GUCY1A2: variants seen among roughly 807,000 people sequenced by gnomAD.
GUCY1A2 encodes guanylate cyclase soluble subunit alpha-2.
A neutral mutation model predicts 63.5 loss-of-function variants in GUCY1A2; 27 were observed. The ratio of observed to expected loss-of-function variants is 0.43; its 90% CI spans 0.31 to 0.59. GUCY1A2 has a LOEUF of 0.59. GUCY1A2 is among the 20% of genes least tolerant of loss of function. The pLI is 0.11. For synonymous variants in GUCY1A2, 364 were observed against 343.5 expected, an observed-to-expected ratio of 1.06 and a Z score of -0.66; for missense variants, 768 against 913.3, an observed-to-expected ratio of 0.84 and a Z score of 2.05.
chr11:106,746,659 C>T (rs779104702), intron 6 of GUCY1A2: 18 of 1,456,742 alleles, frequency 1.2e-5, no homozygotes, highest in Middle Eastern at 1.7e-4. Context: ...AAAGTCACAC[C>T]GAGACACCAA....
chr11:106,876,179 C>G (rs1859746235), intron 4 of GUCY1A2, among the ~76,000 whole-genome samples: 1 of 151,952 alleles, frequency 6.6e-6, no homozygotes, highest in East Asian at 1.9e-4. Flanking sequence ...TTTACCATTC[C>G]TAACATAAAG....
rs1591340413 is a variant in GUCY1A2 at position 106,951,592 on chromosome 11, GTT to G, written c.488-11416_488-11415del. Among the ~76,000 whole-genome samples, 4 of 152,006 alleles carry G rather than the reference GTT, an allele frequency of 2.6e-5. No individual in the cohort carries two copies. In the East Asian group the frequency reaches 7.7e-4, roughly 29 times the overall value. On this transcript the variant is annotated intron_variant, in intron 3 of 7. Transcript: ENST00000526355. ...GCCCACTTTATGATGGGGTTGTTTG[GTT>G]TTGTTTTTGGAAATATGGTTAAGTT...
At chr11:106,859,566 C>T (rs1859481026) in intron 4 of GUCY1A2, among the ~76,000 whole-genome samples, 1 of 151,858 alleles carries the variant, frequency 6.6e-6, no homozygotes, top group Non-Finnish European at 1.5e-5. Flanking sequence ...CAGACAGATT[C>T]CTGTTCTCAA....
At chr11:106,875,876 C>T (rs1306972045) in intron 4 of GUCY1A2, among the ~76,000 whole-genome samples, 1 of 151,840 alleles carries the variant, frequency 6.6e-6, no homozygotes, top group Non-Finnish European at 1.5e-5. Context: ...CATTCTGGTG[C>T]CAGAGGAAAT....
At chr11:106,772,973 C>T (rs1203481052) in intron 6 of GUCY1A2, among the ~76,000 whole-genome samples, 1 of 152,158 alleles carries the variant, frequency 6.6e-6, no homozygotes, top group Non-Finnish European at 1.5e-5. Context: ...ATTTTTAATG[C>T]TCCATATTTT....
chr11:106,796,403 G>T (rs1022663169), intron 5 of GUCY1A2, among the ~76,000 whole-genome samples: 38 of 152,130 alleles, frequency 2.5e-4, no homozygotes, highest in Admixed American at 6.6e-4. Flanking sequence ...TCCTAGCATC[G>T]ATGGTCTTTA....
intron 3 of GUCY1A2, among the ~76,000 whole-genome samples, chr11:106,959,860 A>G (rs1036180435): frequency 6.6e-6 from 1 of 152,228 alleles, no homozygotes; most frequent in African/African-American, 2.4e-5. Flanking sequence ...AGAATGACCC[A>G]AAAGGCAGAG....
rs1861846577 is a variant in GUCY1A2 at position 107,017,848 on chromosome 11, CGG to C, written c.206_207del (p.Ala69GlyfsTer48). The C allele has an allele frequency of 7.9e-7, 1 of 1,259,108 alleles. No homozygotes were observed. The highest frequency in any genetic ancestry group is 1.0e-6 in the Non-Finnish European group (1 of 1,002,578). The allele number at this position is 1,259,108 out of a possible 1,614,324, so 78.0% of individuals were successfully genotyped here. A position where few individuals can be genotyped will look rare whatever the true frequency, so the allele number is the denominator to read the frequency against. Reference sequence around the variant, plus strand: ...CTCCTGGCCCCGGCAGTGGCAGCGGCGGCGGCGGCAGAAGCAGCCGGGGTCGG... The same window carrying C: ...CTCCTGGCCCCGGCAGTGGCAGCGGCCGGCGGCAGAAGCAGCCGGGGTCGG... ...PAPTPAASAA[A>X]AAATAGARRV... is the part of the protein sequence containing the mutation. On this transcript the variant is annotated frameshift_variant, in exon 1 of 8. Coordinates refer to ENST00000526355, the MANE Select transcript of GUCY1A2 (RefSeq NM_000855.3). LOFTEE classifies it high-confidence loss of function.
intron 4 of GUCY1A2, among the ~76,000 whole-genome samples, chr11:106,860,823 T>A (rs1239915530): frequency 6.6e-6 from 1 of 151,998 alleles, no homozygotes; most frequent in Non-Finnish European, 1.5e-5. Context: ...AGACAGTGCA[T>A]CTTCTGTTGC....
chr11:106,706,882 G>T (rs572769338), intron 7 of GUCY1A2, among the ~76,000 whole-genome samples: 20 of 152,186 alleles, frequency 1.3e-4, no homozygotes, highest in African/African-American at 3.9e-4. Context: ...ATTTGCCATG[G>T]TAATTGTTGT....
intron 4 of GUCY1A2, among the ~76,000 whole-genome samples, chr11:106,911,973 G>A (rs1171291842): frequency 6.6e-6 from 1 of 151,796 alleles, no homozygotes; most frequent in Non-Finnish European, 1.5e-5. Context: ...TAGAATATTT[G>A]GAAGAACTAA....
intron 4 of GUCY1A2, among the ~76,000 whole-genome samples, chr11:106,938,924 A>G (rs1378665029): frequency 1.3e-5 from 2 of 152,334 alleles, no homozygotes; most frequent in South Asian, 4.1e-4. Context: ...TTTTAATACT[A>G]AAATTTAAAC....
chr11:106,849,282 C>T (rs976198238), intron 4 of GUCY1A2, among the ~76,000 whole-genome samples: 19 of 150,810 alleles, frequency 1.3e-4, no homozygotes, highest in African/African-American at 2.2e-4. Context: ...AAAAAGCTTT[C>T]GTCTATTGAC....
chr11:106,821,797 C>A (rs1261992668), intron 4 of GUCY1A2, among the ~76,000 whole-genome samples: 1 of 152,132 alleles, frequency 6.6e-6, no homozygotes, highest in African/African-American at 2.4e-5. Context: ...TTAAAAAAGA[C>A]TAACATCCAA....
At chr11:106,708,130 T>G (rs975433023) in intron 7 of GUCY1A2, among the ~76,000 whole-genome samples, 4 of 151,886 alleles carry the variant, frequency 2.6e-5, no homozygotes, top group African/African-American at 9.7e-5. Context: ...AAAAAAACAG[T>G]CCAACCACCT....
chr11:106,876,855 A>C (rs1186514045), intron 4 of GUCY1A2, among the ~76,000 whole-genome samples: 2 of 152,112 alleles, frequency 1.3e-5, no homozygotes, highest in Non-Finnish European at 2.9e-5. Flanking sequence ...AATGGTCCCC[A>C]AAAGATATCC....
At chr11:106,959,971 GCAAATCTC>G (rs1229393272) in intron 3 of GUCY1A2, among the ~76,000 whole-genome samples, 3 of 152,206 alleles carry the variant, frequency 2.0e-5, no homozygotes. Context: ...CTGTCTGAGT[GCAAATCTC>G]CATGTTGGAG....
chr11:106,930,849 G>T (rs1410553417), intron 4 of GUCY1A2, among the ~76,000 whole-genome samples: 1 of 152,232 alleles, frequency 6.6e-6, no homozygotes, highest in Non-Finnish European at 1.5e-5. Context: ...GCCAAGGCAG[G>T]CGGATCACGA....
At chr11:106,721,625 C>CT (rs1240618631) in intron 6 of GUCY1A2, among the ~76,000 whole-genome samples, 2 of 152,130 alleles carry the variant, frequency 1.3e-5, no homozygotes, top group Non-Finnish European at 2.9e-5. Context: ...CAGGTTGGTT[C>CT]TTTAACGTCA....
Sources: gnomAD v4.1 joint callset for allele counts (sites outside exome capture counted in the v4.1 genomes callset) on GRCh38, gnomAD v4.1.1 for gene constraint, MANE v1.5 for transcripts, NCBI Gene and HGNC (gene_info 2026-07-23, HGNC 2026-07-21) for gene names.